CLOCK: variants seen among roughly 807,000 people sequenced by gnomAD.
CLOCK encodes clock circadian regulator, also known as circadian locomoter output cycles protein kaput.
CLOCK carries 43 observed loss-of-function variants against 118.4 expected under a neutral mutation model. That is an observed-to-expected ratio of 0.36 (90% CI 0.28 to 0.47). The LOEUF (loss-of-function observed/expected upper bound fraction) is 0.47. Among genes scored for constraint, CLOCK ranks in the 20% least tolerant of loss-of-function variants. The probability of loss-of-function intolerance (pLI) is 1.00; values close to 1 mark genes in which losing one functional copy is unlikely to be tolerated. For missense variants in CLOCK, 846 were observed against 999.9 expected (o/e 0.85, Z 2.08); for synonymous variants, 326 against 339.2 (o/e 0.96, Z 0.43).
chr4:55,492,334 C>A (rs1158170232), intron 2 of CLOCK, among the ~76,000 whole-genome samples: 1 of 137,998 alleles, frequency 7.2e-6, no homozygotes. Context: ...AAGCATTTAA[C>A]AAAATCCAAC....
intron 10 of CLOCK, 39 bp downstream of exon 10, chr4:55,459,109 C>T (rs1725125984): frequency 6.8e-7 from 1 of 1,475,852 alleles, no homozygotes; most frequent in Non-Finnish European, 9.5e-7. Flanking sequence ...AGAAAAATAA[C>T]AAGTTAAAAC....
At chr4:55,475,394 C>A (rs2109875861) in intron 7 of CLOCK, among the ~76,000 whole-genome samples, 1 of 152,294 alleles carries the variant, frequency 6.6e-6, no homozygotes, top group Middle Eastern at 3.4e-3. Context: ...ATACTGTTGA[C>A]ATGACAGCAA....
intron 21 of CLOCK, 53 bp from the exon 22 acceptor site, chr4:55,438,590 C>G (rs1442344104): frequency 1.2e-6 from 2 of 1,610,862 alleles, no homozygotes; most frequent in African/African-American, 2.7e-5. Flanking sequence ...AGGTATACAT[C>G]ATAAAACGCA....
chr4:55,522,505 A>T (rs60797008), intron 1 of CLOCK, among the ~76,000 whole-genome samples: 49,949 of 143,026 alleles, frequency 0.35, 8,439 homozygotes, highest in Middle Eastern at 0.42. Flanking sequence ...GTTTTTTTTT[A>T]AAAAAAAAAG....
At chr4:55,460,247 C>G (rs568290173) in intron 9 of CLOCK, among the ~76,000 whole-genome samples, 1 of 152,288 alleles carries the variant, frequency 6.6e-6, no homozygotes, top group South Asian at 2.1e-4. Context: ...ACTGACTATT[C>G]CTATCTCTTC....
At chr4:55,538,078 C>T (rs997699786) in intron 1 of CLOCK, among the ~76,000 whole-genome samples, 3 of 152,100 alleles carry the variant, frequency 2.0e-5, no homozygotes, top group Non-Finnish European at 4.4e-5. Context: ...AGACAAATTA[C>T]TAGTATTCGG....
At chr4:55,508,425 T>C (rs1728941932) in intron 2 of CLOCK, among the ~76,000 whole-genome samples, 3 of 152,128 alleles carry the variant, frequency 2.0e-5, no homozygotes, top group African/African-American at 7.2e-5. Flanking sequence ...TACTTTCCAC[T>C]AAAGAAAAAA....
chr4:55,473,856 A>C (rs890066409), intron 7 of CLOCK, among the ~76,000 whole-genome samples: 1 of 152,100 alleles, frequency 6.6e-6, no homozygotes, highest in African/African-American at 2.4e-5. Context: ...GGCGAATTTA[A>C]ATGTTGTGTG....
Position 55,438,353 on chromosome 4 carries a change from CCTGGGAGCTCTGCTGCTG to C in CLOCK, c.2272_2289del (p.Gln758_Gln763del), listed in dbSNP as rs755346633. 98 of 1,613,842 alleles carry C rather than the reference CCTGGGAGCTCTGCTGCTG, an allele frequency of 6.1e-5. 3 individuals are homozygous for C. The South Asian group carries it at 1.0e-3, about 17-fold the overall frequency. ...TGCTGAACTGAAGTGAGCTGCTGCT[CCTGGGAGCTCTGCTGCTG>C]CTGCTGCTGCGTTACTGACAATGTC... On this transcript the variant is annotated inframe_deletion, in exon 22 of 23. Transcript: ENST00000513440.
At chr4:55,506,515 A>C (rs1323473407) in intron 2 of CLOCK, among the ~76,000 whole-genome samples, 2 of 152,156 alleles carry the variant, frequency 1.3e-5, no homozygotes, top group East Asian at 1.9e-4. Flanking sequence ...AAAATACATA[A>C]ATCTTCCTAT....
chr4:55,501,999 G>A (rs1373382641), intron 2 of CLOCK, among the ~76,000 whole-genome samples: 1 of 151,980 alleles, frequency 6.6e-6, no homozygotes, highest in African/African-American at 2.4e-5. Flanking sequence ...CATATCTTAC[G>A]AAGTCAACAA....
chr4:55,503,161 A>G (rs1728545412), intron 2 of CLOCK, among the ~76,000 whole-genome samples: 1 of 152,230 alleles, frequency 6.6e-6, no homozygotes, highest in Non-Finnish European at 1.5e-5. Flanking sequence ...TACTCAACAG[A>G]AATGTGTACA....
intron 2 of CLOCK, among the ~76,000 whole-genome samples, chr4:55,503,978 T>TTA (rs1553900256): frequency 1.4e-5 from 1 of 71,130 alleles, no homozygotes; most frequent in African/African-American, 5.1e-5. Context: ...CAAAAAGAGG[T>TTA]AAAAAAAAAA....
intron 2 of CLOCK, among the ~76,000 whole-genome samples, chr4:55,500,679 G>C (rs1338239165): frequency 6.6e-6 from 1 of 152,052 alleles, no homozygotes; most frequent in African/African-American, 2.4e-5. Context: ...TAATCAGAGA[G>C]GCTTACTCCA....
chr4:55,449,556 A>C, intron 16 of CLOCK, 60 bp from the exon 17 acceptor site: 20 of 1,362,980 alleles, frequency 1.5e-5, no homozygotes, highest in Non-Finnish European at 2.1e-5. Context: ...TTTAAAGATT[A>C]ATCTCAAAAT....
chr4:55,479,341 GCTATTGAGAAAA>G (rs1726755329), intron 5 of CLOCK, among the ~76,000 whole-genome samples: 1 of 151,986 alleles, frequency 6.6e-6, no homozygotes, highest in Non-Finnish European at 1.5e-5. Flanking sequence ...TAAACAAACA[GCTATTGAGAAAA>G]ACTTGATTAT....
chr4:55,520,306 G>GTTTCTCCCAAA (rs2110059250), intron 1 of CLOCK, among the ~76,000 whole-genome samples: 1 of 152,230 alleles, frequency 6.6e-6, no homozygotes, highest in East Asian at 1.9e-4. Flanking sequence ...CCAAAACCTT[G>GTTTCTCCCAAA]ACTTCTATGA....
At chr4:55,523,613 T>C (rs1212436165) in intron 1 of CLOCK, among the ~76,000 whole-genome samples, 2 of 152,182 alleles carry the variant, frequency 1.3e-5, no homozygotes, top group Admixed American at 6.5e-5. Context: ...TGGCTGATCA[T>C]CCATGCACGA....
At chr4:55,463,415 C>G (rs1219240269) in intron 9 of CLOCK, among the ~76,000 whole-genome samples, 1 of 151,996 alleles carries the variant, frequency 6.6e-6, no homozygotes, top group Non-Finnish European at 1.5e-5. Flanking sequence ...CCAGGTCTCA[C>G]TTTTGCATAA....
Sources: gnomAD v4.1 joint callset for allele counts (sites outside exome capture counted in the v4.1 genomes callset) on GRCh38, gnomAD v4.1.1 for gene constraint, MANE v1.5 for transcripts, NCBI Gene and HGNC (gene_info 2026-07-23, HGNC 2026-07-21) for gene names.